UNC13C: variants seen among roughly 807,000 people sequenced by gnomAD.
The protein encoded by UNC13C is protein unc-13 homolog C.
Under a neutral mutation model 245.4 loss-of-function variants are expected in UNC13C, and 174 were observed. That is an observed-to-expected ratio of 0.71 (90% CI 0.63 to 0.80). The LOEUF (loss-of-function observed/expected upper bound fraction) is 0.80, where lower values mean the gene tolerates loss of function less well. UNC13C is among the 30% of genes least tolerant of loss of function. The pLI is 0.00. For missense variants in UNC13C, 2,829 were observed against 2,602.9 expected (o/e 1.09, Z -1.89); for synonymous variants, 992 against 895.1 (o/e 1.11, Z -1.93).
Position 54,627,036 on chromosome 15 carries a change from C to T in UNC13C, c.6568C>T (p.Gln2190Ter). Residue 2190 changes from glutamine to a stop codon, truncating the protein, a stop_gained, in exon 33 of 33, where the codon CAG becomes TAG. Transcript: ENST00000260323. LOFTEE classifies it high-confidence loss of function. ...TTTGACTATCCTTAGAATACTCTCT[C>T]AGAGGACCAGTGATGATGTGGCTAA... is the stretch of plus-strand genomic sequence containing the variant. ...TGLTILRILS[Q>*]RTSDDVAKEF... The T allele has an allele frequency of 6.2e-7, 1 of 1,613,304 alleles. No homozygotes were observed. Among genetic ancestry groups the T allele is most frequent in the Non-Finnish European group, 8.5e-7 (1 of 1,179,522 alleles).
At chr15:54,235,748 G>A (rs2035678012) in intron 5 of UNC13C, among the ~76,000 whole-genome samples, 1 of 152,184 alleles carries the variant, frequency 6.6e-6, no homozygotes, top group Non-Finnish European at 1.5e-5. Flanking sequence ...CTACTCTGGA[G>A]GCTGAGGCAG....
At chr15:54,026,809 T>G (rs1407977609) in intron 2 of UNC13C, among the ~76,000 whole-genome samples, 1 of 152,190 alleles carries the variant, frequency 6.6e-6, no homozygotes, top group Non-Finnish European at 1.5e-5. Context: ...AATTCATGCA[T>G]TGGTTCATTC....
At chr15:54,253,624 A>G (rs902899715) in intron 8 of UNC13C, among the ~76,000 whole-genome samples, 27 of 152,192 alleles carry the variant, frequency 1.8e-4, no homozygotes, top group African/African-American at 6.0e-4. Flanking sequence ...TGGTGGTGAA[A>G]TAATTTAATT....
intron 2 of UNC13C, among the ~76,000 whole-genome samples, chr15:54,115,734 T>C (rs2030194762): frequency 6.6e-6 from 1 of 152,152 alleles, no homozygotes; most frequent in Admixed American, 6.5e-5. Context: ...AAAGAATTCA[T>C]TTTCAGAAAT....
chr15:54,115,416 G>T (rs966263586), intron 2 of UNC13C, among the ~76,000 whole-genome samples: 1 of 151,942 alleles, frequency 6.6e-6, no homozygotes, highest in Admixed American at 6.5e-5. Context: ...TAATAAGTCA[G>T]TTCCCATGTA....
At chr15:54,528,344 A>G (rs1189966730) in intron 25 of UNC13C, among the ~76,000 whole-genome samples, 10 of 149,940 alleles carry the variant, frequency 6.7e-5, no homozygotes, top group African/African-American at 2.5e-4. Flanking sequence ...CTTATTAACC[A>G]ACACCTTTAG....
At chr15:54,280,600 T>TC (rs2036954572) in intron 10 of UNC13C, among the ~76,000 whole-genome samples, 6 of 148,632 alleles carry the variant, frequency 4.0e-5, no homozygotes, top group African/African-American at 1.5e-4. Flanking sequence ...CTCTCTCTCT[T>TC]GCTCTCTCTC....
At chr15:54,369,337 G>A (rs1038186083) in intron 17 of UNC13C, among the ~76,000 whole-genome samples, 1 of 152,094 alleles carries the variant, frequency 6.6e-6, no homozygotes, top group African/African-American at 2.4e-5. Flanking sequence ...CATTGCCTTT[G>A]CCGAAGCCCT....
rs746140625 is a variant in UNC13C at position 54,622,347 on chromosome 15, G to A, written c.6127G>A (p.Val2043Met). Residue 2043 changes from valine (V) to methionine (M), a missense_variant, in exon 31 of 33, where the codon GTG (valine) becomes ATG (methionine). Val to Met is a conservative substitution (Grantham distance 21, BLOSUM62 1). Transcript: ENST00000260323. ...TSQSRSSKDA[V>M]GQISVHVDIT... ...TTCAGGTCGTTCCTCCAAAGATGCC[G>A]TGGGTCAGATATCTGTTCATGTGGA... The A allele has an allele frequency of 2.2e-5, 35 of 1,613,106 alleles. No homozygotes were observed. Among genetic ancestry groups the A allele is most frequent in the East Asian group, 4.5e-5 (2 of 44,862 alleles).
Position 54,458,539 on chromosome 15 carries a change from T to C in UNC13C, c.4934-36069T>C, listed in dbSNP as rs374363302. On this transcript the variant is annotated intron_variant, in intron 19 of 32. Coordinates refer to ENST00000260323, the MANE Select transcript of UNC13C (RefSeq NM_001080534.3). ...TGCCATCTATCTCATTTCTTAGATA[T>C]AGTAATAATTGTCTTATAAATTTGG... Among the ~76,000 whole-genome samples, 3 of 152,196 alleles carry C rather than the reference T, an allele frequency of 2.0e-5. No homozygotes were observed. In the East Asian group the frequency reaches 5.8e-4, roughly 29 times the overall value.
At chr15:54,197,228 G>A (rs2034382527) in intron 4 of UNC13C, among the ~76,000 whole-genome samples, 1 of 152,150 alleles carries the variant, frequency 6.6e-6, no homozygotes, top group African/African-American at 2.4e-5. Context: ...TGTAATCCCA[G>A]CACTTTGGGA....
chr15:54,345,512 A>G (rs1163062416), intron 17 of UNC13C, among the ~76,000 whole-genome samples: 2 of 152,212 alleles, frequency 1.3e-5, no homozygotes, highest in East Asian at 1.9e-4. Flanking sequence ...CTGGAAGGAT[A>G]CATATTGCAG....
chr15:54,479,775 T>C (rs1030699730), intron 19 of UNC13C, among the ~76,000 whole-genome samples: 1 of 152,152 alleles, frequency 6.6e-6, no homozygotes, highest in Non-Finnish European at 1.5e-5. Flanking sequence ...GTTTTCATTA[T>C]GGTAGATATC....
At chr15:54,142,133 G>A (rs2032051104) in intron 2 of UNC13C, among the ~76,000 whole-genome samples, 1 of 152,132 alleles carries the variant, frequency 6.6e-6, no homozygotes, top group Admixed American at 6.5e-5. Context: ...ACTGTGTAAG[G>A]TAGTAGTAGA....
intron 19 of UNC13C, among the ~76,000 whole-genome samples, chr15:54,440,608 GA>G (rs1044079162): frequency 6.6e-6 from 1 of 151,822 alleles, no homozygotes; most frequent in Non-Finnish European, 1.5e-5. Flanking sequence ...ATTAGTACTG[GA>G]AAAAAGATGG....
At chr15:53,945,495 TG>T in the UNC13C span, among the ~76,000 whole-genome samples, 2 of 152,164 alleles carry the variant, frequency 1.3e-5, no homozygotes, top group Non-Finnish European at 2.9e-5. Context: ...ATTTATTAAG[TG>T]GGGGGTCCTT....
At chr15:54,362,768 A>G (rs566786500) in intron 17 of UNC13C, among the ~76,000 whole-genome samples, 1 of 152,262 alleles carries the variant, frequency 6.6e-6, no homozygotes, top group Non-Finnish European at 1.5e-5. Context: ...GACTCAGACA[A>G]ATAAAGGGAA....
chr15:54,472,064 G>A (rs987206383), intron 19 of UNC13C, among the ~76,000 whole-genome samples: 2 of 151,468 alleles, frequency 1.3e-5, no homozygotes, highest in Admixed American at 1.3e-4. Context: ...ACTTTCACTG[G>A]TTTCATGGCT....
chr15:54,514,758 C>T (rs1018459969), intron 24 of UNC13C, among the ~76,000 whole-genome samples: 1 of 152,124 alleles, frequency 6.6e-6, no homozygotes, highest in African/African-American at 2.4e-5. Flanking sequence ...GTTTAAAACC[C>T]TTTTTCAGTG....
Sources: allele counts gnomAD v4.1 joint callset (sites outside exome capture counted in the v4.1 genomes callset), GRCh38; gene constraint gnomAD v4.1.1; transcripts MANE v1.5; gene names NCBI Gene and HGNC (gene_info 2026-07-23, HGNC 2026-07-21).